The following GMDS variants were observed in gnomAD, a reference collection of about 807,000 sequenced individuals.
The protein encoded by GMDS is GDP-mannose 4,6 dehydratase.
Under a neutral mutation model 49.9 loss-of-function variants are expected in GMDS, and 20 were observed. That is an observed-to-expected ratio of 0.40 (90% CI 0.28 to 0.58). The LOEUF (loss-of-function observed/expected upper bound fraction) is 0.58. Among genes scored for constraint, GMDS ranks in the 20% least tolerant of loss-of-function variants. The pLI, the probability that GMDS is intolerant of heterozygous loss-of-function variation, is 0.42. For synonymous variants in GMDS, 177 were observed against 178.6 expected (o/e 0.99, Z 0.07); for missense variants, 362 against 481.4 (o/e 0.75, Z 2.32).
intron 7 of GMDS, among the ~76,000 whole-genome samples, chr6:1,776,911 T>C (rs1304264261): frequency 6.6e-6 from 1 of 152,184 alleles, no homozygotes; most frequent in Non-Finnish European, 1.5e-5. Flanking sequence ...TGCCAAGTCC[T>C]GGGGGGATGT....
At chr6:2,226,223 G>A (rs1780807769) in intron 1 of GMDS, among the ~76,000 whole-genome samples, 3 of 152,096 alleles carry the variant, frequency 2.0e-5, no homozygotes, top group Non-Finnish European at 1.5e-5. Flanking sequence ...TTTGGGTGAG[G>A]CATCCTGATT....
chr6:2,042,573 C>A (rs540828558), intron 4 of GMDS, among the ~76,000 whole-genome samples: 3 of 152,106 alleles, frequency 2.0e-5, no homozygotes, highest in African/African-American at 4.8e-5. Context: ...TATTGACAGT[C>A]CAATTTTTAA....
chr6:1,645,822 T>TCA, intron 9 of GMDS, among the ~76,000 whole-genome samples: 1 of 152,342 alleles, frequency 6.6e-6, no homozygotes, highest in Admixed American at 6.5e-5. Context: ...AGTCTCCACA[T>TCA]GCAACTTCGC....
chr6:1,660,990 A>G (rs1336845240), intron 9 of GMDS, among the ~76,000 whole-genome samples: 1 of 151,762 alleles, frequency 6.6e-6, no homozygotes, highest in East Asian at 1.9e-4. Flanking sequence ...AAGTCCCAGC[A>G]AGCAGTTTTC....
At chr6:1,945,970 T>TTA (rs1363587919) in intron 6 of GMDS, among the ~76,000 whole-genome samples, 2 of 152,198 alleles carry the variant, frequency 1.3e-5, no homozygotes, top group African/African-American at 4.8e-5. Context: ...TTTTTAAAGT[T>TTA]AATAGACTGA....
At chr6:1,872,705 G>T (rs1758835646) in intron 7 of GMDS, among the ~76,000 whole-genome samples, 1 of 152,266 alleles carries the variant, frequency 6.6e-6, no homozygotes, top group Non-Finnish European at 1.5e-5. Context: ...TCAGAGGGCT[G>T]TTTGTGGCAA....
chr6:2,126,433 A>G (rs1041736980), intron 1 of GMDS, among the ~76,000 whole-genome samples: 15 of 151,314 alleles, frequency 9.9e-5, no homozygotes, highest in Non-Finnish European at 2.2e-4. Flanking sequence ...TTCCAGGGGG[A>G]AAAAAAAACA....
chr6:1,632,049 C>G (rs1581390014), intron 9 of GMDS, among the ~76,000 whole-genome samples: 2 of 152,294 alleles, frequency 1.3e-5, no homozygotes, highest in South Asian at 4.1e-4. Flanking sequence ...CCTGGCATTC[C>G]TTCTTTACAT....
At chr6:1,969,341 A>G (rs1258433280) in intron 4 of GMDS, among the ~76,000 whole-genome samples, 2 of 150,442 alleles carry the variant, frequency 1.3e-5, no homozygotes, top group Admixed American at 1.3e-4. Flanking sequence ...TATATATTTA[A>G]TTATCCTGTA....
intron 1 of GMDS, among the ~76,000 whole-genome samples, chr6:2,167,297 A>C (rs143151252): frequency 6.6e-6 from 1 of 152,142 alleles, no homozygotes; most frequent in African/African-American, 2.4e-5. Flanking sequence ...AATACATTCT[A>C]TCTATTCTGT....
At chr6:1,672,164 A>C (rs1764452891) in intron 9 of GMDS, among the ~76,000 whole-genome samples, 2 of 152,206 alleles carry the variant, frequency 1.3e-5, no homozygotes, top group African/African-American at 4.8e-5. Flanking sequence ...GTCTGGCTTC[A>C]GAGACGACGA....
chr6:1,627,301 T>C (rs1197784836), intron 9 of GMDS, among the ~76,000 whole-genome samples: 1 of 152,224 alleles, frequency 6.6e-6, no homozygotes, highest in East Asian at 1.9e-4. Flanking sequence ...CAGGACATAC[T>C]TAAAGGGTGG....
At chr6:2,129,808 TG>T (rs1775636689) in intron 1 of GMDS, among the ~76,000 whole-genome samples, 1 of 152,228 alleles carries the variant, frequency 6.6e-6, no homozygotes, top group Non-Finnish European at 1.5e-5. Context: ...ACCACTGCTG[TG>T]AAGAATACGG....
intron 7 of GMDS, among the ~76,000 whole-genome samples, chr6:1,744,588 A>G (rs73716368): frequency 1.6e-4 from 8 of 51,132 alleles, no homozygotes; most frequent in Non-Finnish European, 3.8e-4. Flanking sequence ...ACTGTTAAAC[A>G]CTGGGGGCTG....
intron 4 of GMDS, among the ~76,000 whole-genome samples, chr6:2,086,647 C>T (rs1424338734): frequency 6.6e-6 from 1 of 152,252 alleles, no homozygotes; most frequent in African/African-American, 2.4e-5. Flanking sequence ...AGACATTTCA[C>T]AGAAAGTTGC....
intron 9 of GMDS, among the ~76,000 whole-genome samples, chr6:1,649,642 T>C (rs2569846): frequency 0.29 from 43,714 of 152,146 alleles, 6,421 homozygotes; most frequent in East Asian, 0.55. Context: ...ACTGCATCTT[T>C]ATGTGCAGGC....
intron 7 of GMDS, among the ~76,000 whole-genome samples, chr6:1,813,234 A>C (rs1262566354): frequency 1.3e-5 from 2 of 151,212 alleles, no homozygotes; most frequent in South Asian, 2.1e-4. Flanking sequence ...AAAAAAAAAA[A>C]AAAAAAAAAA....
At chr6:1,725,600 A>C (rs1314558928) in intron 9 of GMDS, among the ~76,000 whole-genome samples, 1 of 151,906 alleles carries the variant, frequency 6.6e-6, no homozygotes, top group African/African-American at 2.4e-5. Flanking sequence ...CACCCGGCTA[A>C]TTTTGTATTT....
At chr6:2,143,183 G>A (rs963697898) in intron 1 of GMDS, among the ~76,000 whole-genome samples, 1 of 152,152 alleles carries the variant, frequency 6.6e-6, no homozygotes, top group African/African-American at 2.4e-5. Context: ...CAGGTCCTAT[G>A]GCTCCAGCAG....
Sources: allele counts gnomAD v4.1 joint callset (sites outside exome capture counted in the v4.1 genomes callset), GRCh38; gene constraint gnomAD v4.1.1; transcripts MANE v1.5; gene names NCBI Gene and HGNC (gene_info 2026-07-23, HGNC 2026-07-21).